The following EXT2 variants were observed in gnomAD, a reference collection of about 807,000 sequenced individuals.
EXT2 encodes exostosin glycosyltransferase 2.
A neutral mutation model predicts 81.6 loss-of-function variants in EXT2; 53 were observed. The observed-to-expected ratio is 0.65, with a 90% confidence interval of 0.52 to 0.82. The LOEUF is 0.82. EXT2 is among the 40% of genes least tolerant of loss of function. EXT2 has a pLI of 0.00. For synonymous variants in EXT2, 320 were observed against 340.0 expected (o/e 0.94, Z 0.65); for missense variants, 774 against 910.2 (o/e 0.85, Z 1.93).
In EXT2 at chr11:44,114,169, A is replaced by G. The variant is rs2134983992; in HGVS notation, c.627-16A>G. On this transcript the variant is annotated splice_polypyrimidine_tract_variant and intron_variant, in intron 3 of 13. Transcript: ENST00000533608. Reference sequence around the variant, plus strand: ...TCCTTTCTTTCTCATCGTTTAACAAAATACTTTGCTTTCAGGGCCCTGTTG... The same window carrying G: ...TCCTTTCTTTCTCATCGTTTAACAAGATACTTTGCTTTCAGGGCCCTGTTG... 1 of 1,610,224 alleles carries G rather than the reference A, an allele frequency of 6.2e-7. No homozygotes were observed. Among genetic ancestry groups the G allele is most frequent in the South Asian group, 1.1e-5 (1 of 90,994 alleles).
At chr11:44,203,203 C>T (rs914064780) in intron 9 of EXT2, among the ~76,000 whole-genome samples, 20 of 152,184 alleles carry the variant, frequency 1.3e-4, no homozygotes, top group African/African-American at 4.8e-4. Context: ...AGTCAAGGTT[C>T]ATTCTGGAGA....
intron 7 of EXT2, among the ~76,000 whole-genome samples, chr11:44,146,154 G>A (rs539896778): frequency 1.3e-5 from 2 of 152,168 alleles, no homozygotes; most frequent in African/African-American, 4.8e-5. Flanking sequence ...CACCTCTGGT[G>A]TCACTCTGTG....
intron 10 of EXT2, among the ~76,000 whole-genome samples, chr11:44,207,638 A>G (rs1032583565): frequency 2.0e-5 from 3 of 152,184 alleles, no homozygotes; most frequent in Admixed American, 2.0e-4. Context: ...TATCAGACTT[A>G]AGCATGCAGA....
chr11:44,127,313 C>T (rs137905125), intron 6 of EXT2, among the ~76,000 whole-genome samples: 242 of 152,282 alleles, frequency 1.6e-3, no homozygotes, highest in African/African-American at 5.6e-3. Flanking sequence ...GGGTCCCCAA[C>T]TCCCGGGCTG....
chr11:44,171,556 A>G, intron 7 of EXT2, 55 bp from the exon 8 acceptor site: 1 of 1,613,242 alleles, frequency 6.2e-7, no homozygotes, highest in Admixed American at 1.7e-5. Flanking sequence ...TAGAGTATCT[A>G]GTTTTCCCAC....
At chr11:44,202,229 G>T (rs892432685) in intron 9 of EXT2, among the ~76,000 whole-genome samples, 2 of 152,204 alleles carry the variant, frequency 1.3e-5, no homozygotes, top group Admixed American at 1.3e-4. Flanking sequence ...ACAGAGGCAA[G>T]TTAGTTCTTT....
Position 44,130,118 on chromosome 11 carries a change from A to G in EXT2, c.1153A>G (p.Ile385Val). 6.2e-7 allele frequency: 1 copy of G among 1,614,118 alleles called. No homozygotes were observed. Among genetic ancestry groups the G allele is most frequent in the Non-Finnish European group, 8.5e-7 (1 of 1,179,994 alleles). Reference sequence around the variant, plus strand: ...TTTGCAGAGCATCCCCCAAAGACAGATTGAAGAAATGCAGAGACAGGTAAG... The same window carrying G: ...TTTGCAGAGCATCCCCCAAAGACAGGTTGAAGAAATGCAGAGACAGGTAAG... ...SILQSIPQRQIEEMQRQARWF... is the reference protein window; with the variant it reads ...SILQSIPQRQVEEMQRQARWF... The change falls in exon 7 of 14, where the codon ATT becomes GTT. Residue 385 changes from isoleucine to valine, a missense_variant. Transcript: ENST00000533608.
chr11:44,138,084 ACTTCC>A (rs1954596021), intron 7 of EXT2, among the ~76,000 whole-genome samples: 1 of 152,184 alleles, frequency 6.6e-6, no homozygotes, highest in Non-Finnish European at 1.5e-5. Context: ...CAGGGCACTG[ACTTCC>A]ACCAGGAGGT....
intron 2 of EXT2, 100 bp from the exon 3 acceptor site, chr11:44,109,094 A>C (rs1442697030): frequency 2.3e-6 from 3 of 1,280,052 alleles, no homozygotes; most frequent in African/African-American, 1.5e-5. Context: ...AAGCGGCCCT[A>C]TTTGGGCTTG....
chr11:44,137,033 A>G (rs1954580594), intron 7 of EXT2, among the ~76,000 whole-genome samples: 2 of 152,010 alleles, frequency 1.3e-5, no homozygotes, highest in Admixed American at 1.3e-4. Flanking sequence ...CCTAGTATGT[A>G]TATCCCTATT....
intron 7 of EXT2, among the ~76,000 whole-genome samples, chr11:44,133,843 C>T (rs969515117): frequency 6.6e-6 from 1 of 152,182 alleles, no homozygotes; most frequent in African/African-American, 2.4e-5. Flanking sequence ...AGAAAGGCTA[C>T]AATCTGACAG....
chr11:44,212,298 TATAA>T (rs55649714), intron 10 of EXT2, among the ~76,000 whole-genome samples: 7,122 of 80,416 alleles, frequency 0.089, 330 homozygotes, highest in African/African-American at 0.22. Flanking sequence ...AAAATAAAAA[TATAA>T]ATAAATAAAT....
chr11:44,119,273 G>A (rs1954282908), intron 4 of EXT2, among the ~76,000 whole-genome samples: 1 of 150,882 alleles, frequency 6.6e-6, no homozygotes, highest in Admixed American at 6.6e-5. Flanking sequence ...TTGCCAGGAG[G>A]GCTCCATGAC....
At chr11:44,169,152 G>A (rs1299198933) in intron 7 of EXT2, among the ~76,000 whole-genome samples, 1 of 151,986 alleles carries the variant, frequency 6.6e-6, no homozygotes, top group African/African-American at 2.4e-5. Context: ...CCTGGGAGGT[G>A]GAGGTTGCAG....
intron 7 of EXT2, chr11:44,144,320 G>C: frequency 6.3e-7 from 1 of 1,598,326 alleles, no homozygotes; most frequent in Non-Finnish European, 8.5e-7. Flanking sequence ...ATCTGGCCTA[G>C]GGAACAGTGG....
At chr11:44,106,994 A>G (rs1954064732) in intron 1 of EXT2, among the ~76,000 whole-genome samples, 2 of 152,158 alleles carry the variant, frequency 1.3e-5, no homozygotes, top group African/African-American at 4.8e-5. Flanking sequence ...ATGTTAAGCA[A>G]GTGTTTTGAA....
At chr11:44,112,117 A>G (rs190188292) in intron 3 of EXT2, among the ~76,000 whole-genome samples, 2 of 152,274 alleles carry the variant, frequency 1.3e-5, no homozygotes, top group East Asian at 3.9e-4. Flanking sequence ...TGCATGGTTT[A>G]AAGGAAAGCA....
chr11:44,184,795 C>T (rs1411820589), intron 8 of EXT2, among the ~76,000 whole-genome samples: 1 of 152,082 alleles, frequency 6.6e-6, no homozygotes, highest in Admixed American at 6.5e-5. Context: ...TGTGATGAAG[C>T]ATTTGATTAT....
At chr11:44,102,552 T>C (rs1954000692) in intron 1 of EXT2, among the ~76,000 whole-genome samples, 1 of 150,618 alleles carries the variant, frequency 6.6e-6, no homozygotes, top group Non-Finnish European at 1.5e-5. Flanking sequence ...TTTTTTTTTT[T>C]TTTGCACGGG....
Sources: gnomAD v4.1 joint callset for allele counts (sites outside exome capture counted in the v4.1 genomes callset) on GRCh38, gnomAD v4.1.1 for gene constraint, MANE v1.5 for transcripts, NCBI Gene and HGNC (gene_info 2026-07-23, HGNC 2026-07-21) for gene names.